TTC28: variants seen among roughly 807,000 people sequenced by gnomAD.
The protein encoded by TTC28 is tetratricopeptide repeat domain 28, also known as tetratricopeptide repeat protein 28.
A neutral mutation model predicts 198.0 loss-of-function variants in TTC28; 61 were observed. That is an observed-to-expected ratio of 0.31 (90% confidence interval 0.25 to 0.38). The LOEUF (loss-of-function observed/expected upper bound fraction) is 0.38. TTC28 is among the 10% of genes least tolerant of loss of function. TTC28 has a pLI of 1.00. For missense variants in TTC28, 2,678 were observed against 3,164.0 expected (o/e 0.85, Z 3.69); for synonymous variants, 1,171 against 1,297.8 (o/e 0.90, Z 2.10).
intron 5 of TTC28, among the ~76,000 whole-genome samples, chr22:28,192,258 G>A (rs534743122): frequency 1.3e-5 from 2 of 152,114 alleles, no homozygotes; most frequent in Middle Eastern, 3.4e-3. Flanking sequence ...CTAACAAACG[G>A]AAAGGACATC....
At chr22:28,422,523 C>G (rs1010727076) in intron 2 of TTC28, among the ~76,000 whole-genome samples, 1 of 151,882 alleles carries the variant, frequency 6.6e-6, no homozygotes, top group Non-Finnish European at 1.5e-5. Context: ...ACTGCAAGCT[C>G]CACCTCCCAG....
intron 3 of TTC28, among the ~76,000 whole-genome samples, chr22:28,304,780 A>G (rs2045103087): frequency 6.6e-6 from 1 of 152,188 alleles, no homozygotes; most frequent in Non-Finnish European, 1.5e-5. Flanking sequence ...ATAAAGAGGT[A>G]GTATCTTCAT....
intron 5 of TTC28, among the ~76,000 whole-genome samples, chr22:28,272,562 T>C (rs1012718297): frequency 2.0e-5 from 3 of 152,186 alleles, no homozygotes; most frequent in African/African-American, 2.4e-5. Flanking sequence ...GGAATCAAAA[T>C]ATTCATAAAA....
In TTC28 at chr22:28,033,637, G is replaced by T. The variant is rs1939219737; in HGVS notation, c.3933-3271C>A. On this transcript the variant is annotated intron_variant, in intron 12 of 22. Coordinates refer to ENST00000397906, the MANE Select transcript of TTC28 (RefSeq NM_001145418.2). Reference sequence around the variant, plus strand: ...CAATTCTTTATCTTAAACTATCTCTGTTCAAATTATTGTGTGGTTTCTTAT... The same window carrying T: ...CAATTCTTTATCTTAAACTATCTCTTTTCAAATTATTGTGTGGTTTCTTAT... Among the ~76,000 whole-genome samples the T allele has an allele frequency of 2.0e-5, 3 of 152,128 alleles. No individual in the cohort carries two copies. The South Asian group carries it at 6.2e-4, about 32-fold the overall frequency.
At position 28,030,235 on chromosome 22, in the gene TTC28, A is replaced by G. The variant is rs1173115318; in HGVS notation, c.4064T>C (p.Leu1355Pro). The change falls in exon 13 of 23, where the codon CTG becomes CCG. Residue 1355 changes from leucine to proline, a missense_variant. Leu to Pro is a moderately conservative substitution (Grantham distance 98). This residue lies in a region of TTC28 where 727 missense variants were observed against 861.9 expected (regional missense o/e 0.84). Transcript: ENST00000397906. ...GFLRMVRRNNLFNRSCQSMTS... is the reference protein window; with the variant it reads ...GFLRMVRRNNPFNRSCQSMTS... ...AGCGCCCCACACTCACCTGTTAAAC[A>G]GGTTATTGCGGCGAACCATCCGCAG... is the stretch of plus-strand genomic sequence containing the variant. 1.3e-6 allele frequency: 2 copies of G among 1,551,708 alleles called. No individual in the cohort carries two copies. Among genetic ancestry groups the G allele is most frequent in the Non-Finnish European group, 8.7e-7 (1 of 1,146,984 alleles).
chr22:28,210,725 C>T (rs995704566), intron 5 of TTC28, among the ~76,000 whole-genome samples: 4 of 152,108 alleles, frequency 2.6e-5, no homozygotes, highest in Non-Finnish European at 4.4e-5. Context: ...GTAGGATATT[C>T]TCCAGGAGAA....
chr22:28,168,774 T>C (rs931335518), intron 5 of TTC28, among the ~76,000 whole-genome samples: 6 of 152,248 alleles, frequency 3.9e-5, no homozygotes, highest in Non-Finnish European at 5.9e-5. Flanking sequence ...AAGGACTTCG[T>C]GTCTAAAACA....
At chr22:28,404,241 T>A (rs1044863366) in intron 2 of TTC28, among the ~76,000 whole-genome samples, 3 of 152,044 alleles carry the variant, frequency 2.0e-5, no homozygotes, top group African/African-American at 7.2e-5. Context: ...TGCCTCAGCC[T>A]CCCGAGTAGC....
chr22:28,050,922 G>T (rs1267591958), intron 12 of TTC28, among the ~76,000 whole-genome samples: 2 of 152,178 alleles, frequency 1.3e-5, no homozygotes, highest in Non-Finnish European at 2.9e-5. Flanking sequence ...GAGGCAAACT[G>T]GAGGGGGTGT....
rs559429495 is a variant in TTC28, at chr22:28,534,906, G to A, written c.381+94646C>T. Among the ~76,000 whole-genome samples, 139 of 151,378 alleles carry A rather than the reference G, an allele frequency of 9.2e-4. 2 individuals are homozygous for A. Among genetic ancestry groups the A allele is most frequent in the Admixed American group, 7.8e-3 (119 of 15,190 alleles). ...GATGAGGAACATCACACACCGGGAC[G>A]TGTTGTGGGGTTGGGGGAGGGGGCA... On this transcript the variant is annotated intron_variant, in intron 2 of 22. Transcript: ENST00000397906.
At chr22:28,572,906 T>C (rs556160051) in intron 2 of TTC28, among the ~76,000 whole-genome samples, 2 of 152,100 alleles carry the variant, frequency 1.3e-5, no homozygotes, top group Admixed American at 1.3e-4. Context: ...CCCAATAATT[T>C]AGGAGGCCAA....
intron 12 of TTC28, among the ~76,000 whole-genome samples, chr22:28,066,675 C>A (rs1940768072): frequency 6.6e-6 from 1 of 152,146 alleles, no homozygotes; most frequent in Admixed American, 6.5e-5. Flanking sequence ...ACAGAACAGG[C>A]AAAATGATCT....
chr22:28,084,941 C>T (rs950946219), intron 12 of TTC28, among the ~76,000 whole-genome samples: 29 of 151,964 alleles, frequency 1.9e-4, no homozygotes, highest in East Asian at 9.7e-4. Context: ...TCAAATGAAA[C>T]GTGAAGAGAA....
chr22:28,608,659 T>C (rs1200833263), intron 2 of TTC28, among the ~76,000 whole-genome samples: 1 of 152,202 alleles, frequency 6.6e-6, no homozygotes, highest in Admixed American at 6.5e-5. Context: ...CTGGCTGTCC[T>C]TGAGGTTCTA....
intron 2 of TTC28, among the ~76,000 whole-genome samples, chr22:28,541,731 G>C (rs2049415218): frequency 6.6e-6 from 1 of 151,628 alleles, no homozygotes; most frequent in South Asian, 2.1e-4. Flanking sequence ...ATAGAAGAAA[G>C]AAGACATAAG....
intron 5 of TTC28, among the ~76,000 whole-genome samples, chr22:28,207,539 A>G (rs1383220400): frequency 6.6e-6 from 1 of 152,136 alleles, no homozygotes; most frequent in East Asian, 1.9e-4. Context: ...GAGGCCAACA[A>G]TATCTGACTC....
At chr22:28,161,863 GAGGA>G (rs1170600829) in intron 6 of TTC28, among the ~76,000 whole-genome samples, 9 of 107,932 alleles carry the variant, frequency 8.3e-5, no homozygotes, top group Admixed American at 2.5e-4. Flanking sequence ...AAGGAAGAAA[GAGGA>G]AGGAAGGAAG....
At chr22:28,378,669 G>T (rs1196173510) in intron 2 of TTC28, among the ~76,000 whole-genome samples, 3 of 151,632 alleles carry the variant, frequency 2.0e-5, no homozygotes, top group African/African-American at 7.3e-5. Flanking sequence ...AAAAAAAAAA[G>T]CAGAGAGAGA....
At chr22:28,334,017 A>C (rs2145881820) in intron 2 of TTC28, among the ~76,000 whole-genome samples, 1 of 98,778 alleles carries the variant, frequency 1.0e-5, no homozygotes, top group Non-Finnish European at 2.0e-5. Flanking sequence ...CCACCCCACA[A>C]CAGACCCCAG....
Sources: gnomAD v4.1 joint callset for allele counts (sites outside exome capture counted in the v4.1 genomes callset) on GRCh38, gnomAD v4.1.1 for gene constraint, gnomAD v4.1.1 regional missense constraint, MANE v1.5 for transcripts, NCBI Gene and HGNC (gene_info 2026-07-23, HGNC 2026-07-21) for gene names.